The following SH3TC1 variants were observed in gnomAD, a reference collection of about 807,000 sequenced individuals.
SH3TC1 encodes the protein SH3 domain and tetratricopeptide repeats 1.
SH3TC1 carries 135 observed loss-of-function variants against 117.3 expected under a neutral mutation model. That is an observed-to-expected ratio of 1.15 (90% CI 1.00 to 1.33). The LOEUF (loss-of-function observed/expected upper bound fraction) is 1.33. Among genes scored for constraint, SH3TC1 ranks in the 40% most tolerant of loss-of-function variants. The pLI is 0.00. For missense variants in SH3TC1, 2,092 were observed against 1,794.3 expected, an observed-to-expected ratio of 1.17 and a Z score of -3.00; for synonymous variants, 898 against 816.9, an observed-to-expected ratio of 1.10 and a Z score of -1.69.
In SH3TC1 at chr4:8,183,993, G is replaced by T. The variant is rs550432856; in HGVS notation, c.-57+1783G>T. On this transcript the variant is annotated intron_variant, in intron 1 of 16. Coordinates refer to the SH3TC1 transcript ENST00000508641. This position sits in a 1 kb window ranked among gnomAD's most constrained non-coding sequence, Gnocchi z 5.4. ...TCTCGAACTCCTGACCTCATGATCC[G>T]CCCACCTCAGCCTCCCAAAGTGCTG... is the stretch of plus-strand genomic sequence containing the variant. Among the ~76,000 whole-genome samples the T allele has an allele frequency of 6.6e-6, 1 of 151,986 alleles. No individual in the cohort carries two copies. Among genetic ancestry groups the T allele is most frequent in the African/African-American group, 2.4e-5 (1 of 41,360 alleles).
chr4:8,218,882 C>T (rs993773573), intron 8 of SH3TC1, among the ~76,000 whole-genome samples: 5 of 152,078 alleles, frequency 3.3e-5, no homozygotes, highest in Admixed American at 2.0e-4. Flanking sequence ...GGCAAGCTGC[C>T]GGTGTCTGGA....
At position 8,205,423 on chromosome 4, in the gene SH3TC1, C is replaced by A; in HGVS notation, c.172+57C>A. ...CCATCCCACCCACTTCTCCACCCCA[C>A]CCGCCCCGTCCATCCATCCCTCACC... is the stretch of plus-strand genomic sequence containing the variant. On this transcript the variant is annotated intron_variant, in intron 2 of 17. Transcript: ENST00000245105. This position sits in a 1 kb window ranked among gnomAD's most constrained non-coding sequence, Gnocchi z 5.4. The A allele has an allele frequency of 6.6e-7, 1 of 1,526,366 alleles. No homozygotes were observed. The highest frequency in any genetic ancestry group is 8.8e-7 in the Non-Finnish European group (1 of 1,132,418). 94.6% of individuals were successfully genotyped at this position (1,526,366 alleles called of 1,614,324 possible).
In SH3TC1 at chr4:8,209,156, T is replaced by TGTCCTTATCCCCAC. The variant is rs1718442735; in HGVS notation, c.173-590_173-577dup. Among the ~76,000 whole-genome samples the TGTCCTTATCCCCAC allele has an allele frequency of 6.6e-6, 1 of 152,168 alleles. No homozygotes were observed. The highest frequency in any genetic ancestry group is 2.4e-5 in the African/African-American group (1 of 41,432). On this transcript the variant is annotated intron_variant, in intron 2 of 17. Coordinates refer to ENST00000245105, the MANE Select transcript of SH3TC1 (RefSeq NM_018986.5). This position sits in a 1 kb window ranked among gnomAD's most constrained non-coding sequence, Gnocchi z 5.9. ...AGATAAAGTCCTCCAAAGATGCCCA[T>TGTCCTTATCCCCAC]GTCCTTATCCCCACGACCTACGCCT... is the stretch of plus-strand genomic sequence containing the variant.
At chr4:8,189,404 G>A (rs868062263) in intron 1 of SH3TC1, among the ~76,000 whole-genome samples, 1 of 152,272 alleles carries the variant, frequency 6.6e-6, no homozygotes, top group African/African-American at 2.4e-5. Context: ...TGGCCGGGCC[G>A]GCGGCCGGGG....
At chr4:8,218,643 C>T (rs1337007154) in intron 8 of SH3TC1, among the ~76,000 whole-genome samples, 1 of 152,232 alleles carries the variant, frequency 6.6e-6, no homozygotes, top group Non-Finnish European at 1.5e-5. Context: ...CCACTGTCTG[C>T]AAAGAGCTCC....
chr4:8,218,004 G>A (rs1719463968), intron 7 of SH3TC1, among the ~76,000 whole-genome samples: 1 of 152,180 alleles, frequency 6.6e-6, no homozygotes, highest in Admixed American at 6.5e-5. Flanking sequence ...AGGGTTCCAG[G>A]CCCACAGGGG....
chr4:8,216,556 G>T (rs1471038370), intron 6 of SH3TC1, among the ~76,000 whole-genome samples: 1 of 152,222 alleles, frequency 6.6e-6, no homozygotes. Flanking sequence ...CTGGCCTTGT[G>T]GCTGGCCGCC....
At position 8,206,471 on chromosome 4, in the gene SH3TC1, G is replaced by T. The variant is rs181530736; in HGVS notation, c.172+1105G>T. 1.3e-5 allele frequency among the ~76,000 whole-genome samples: 2 copies of T among 152,172 alleles called. No homozygotes were observed. The highest frequency in any genetic ancestry group is 2.4e-5 in the African/African-American group (1 of 41,444). ...GCCCTGGCCAGCCTCCCACAGAGCC[G>T]CGGGGCCCAGGGAGGAGCTGGGAGC... On this transcript the variant is annotated intron_variant, in intron 2 of 17. Transcript: ENST00000245105. The surrounding 1 kb of genome is among the most constrained non-coding windows in gnomAD (Gnocchi z 5.5).
At chr4:8,235,288 G>A (rs1721701153) in intron 14 of SH3TC1, 145 bp from the exon 15 acceptor site, 3 of 961,390 alleles carry the variant, frequency 3.1e-6, no homozygotes, top group Admixed American at 3.9e-5. Context: ...AGCGGTGGGG[G>A]CGGCCCTAAT....
chr4:8,195,532 C>T (rs1038013014), upstream of SH3TC1, among the ~76,000 whole-genome samples: 1 of 152,168 alleles, frequency 6.6e-6, no homozygotes, highest in Non-Finnish European at 1.5e-5. Flanking sequence ...TGGAAAATTC[C>T]CCCGGCCTTG....
Position 8,205,664 on chromosome 4 carries a change from C to G in SH3TC1, c.172+298C>G, listed in dbSNP as rs371685302. On this transcript the variant is annotated intron_variant, in intron 2 of 17. Coordinates refer to ENST00000245105, the MANE Select transcript of SH3TC1 (RefSeq NM_018986.5). This position sits in a 1 kb window ranked among gnomAD's most constrained non-coding sequence, Gnocchi z 5.4. ...CCTTTGAACCCCCATGTTCAGAGAC[C>G]GTTCCAGAAACAGTCCGATGGGTTT... The G allele has an allele frequency of 1.3e-6, 1 of 760,200 alleles. No homozygotes were observed. The highest frequency in any genetic ancestry group is 1.7e-5 in the African/African-American group (1 of 59,024). The allele number at this position is 760,200 out of a possible 1,614,324, so 47.1% of individuals were successfully genotyped here. A position where few individuals can be genotyped will look rare whatever the true frequency, so the allele number is the denominator to read the frequency against.
Position 8,210,716 on chromosome 4 carries a change from C to T in SH3TC1, c.247+894C>T, listed in dbSNP as rs539658777. On this transcript the variant is annotated intron_variant, in intron 3 of 17. Coordinates refer to ENST00000245105, the MANE Select transcript of SH3TC1 (RefSeq NM_018986.5). The surrounding 1 kb of genome is among the most constrained non-coding windows in gnomAD (Gnocchi z 4.1). Reference sequence around the variant, plus strand: ...AGGCAGAGGTAGTGAGCCGAGATTGCGCCATTGCACTCCAGCCTGGGCAAC... The same window carrying T: ...AGGCAGAGGTAGTGAGCCGAGATTGTGCCATTGCACTCCAGCCTGGGCAAC... Among the ~76,000 whole-genome samples the T allele has an allele frequency of 8.4e-6, 1 of 119,542 alleles. No homozygotes were observed. Among genetic ancestry groups the T allele is most frequent in the East Asian group, 2.9e-4 (1 of 3,474 alleles). 78.4% of individuals were successfully genotyped at this position (119,542 alleles called of 152,430 possible). A position where few individuals can be genotyped will look rare whatever the true frequency, so the allele number is the denominator to read the frequency against.
intron 1 of SH3TC1, chr4:8,201,312 G>A (rs778102554): frequency 6.6e-6 from 1 of 152,230 alleles, no homozygotes; most frequent in Non-Finnish European, 1.5e-5. Flanking sequence ...CTCATTTTCT[G>A]GCTCAGTAAA....
rs1252638157 is a variant in SH3TC1 at position 8,210,343 on chromosome 4, C to T, written c.247+521C>T. ...CCCCCGCTGGGGAGGAATGGAGACCCCAGCATCCATTGCTGGCTTTGCCCC... is the reference window on the plus strand; with the variant it reads ...CCCCCGCTGGGGAGGAATGGAGACCTCAGCATCCATTGCTGGCTTTGCCCC... On this transcript the variant is annotated intron_variant, in intron 3 of 17. Transcript: ENST00000245105. This position sits in a 1 kb window ranked among gnomAD's most constrained non-coding sequence, Gnocchi z 4.1. Among the ~76,000 whole-genome samples the T allele has an allele frequency of 6.6e-6, 1 of 152,268 alleles. No individual in the cohort carries two copies. The highest frequency in any genetic ancestry group is 1.5e-5 in the Non-Finnish European group (1 of 68,050).
rs373329294 is a variant in SH3TC1, at chr4:8,230,343, C to A, written c.2951-1633C>A. On this transcript the variant is annotated intron_variant, in intron 12 of 17. Coordinates refer to ENST00000245105, the MANE Select transcript of SH3TC1 (RefSeq NM_018986.5). ...TAGAGATGGGGTCTCGTCATGTTCC[C>A]CCAGGCTGGTCTTGAATGCTGGCCT... Among the ~76,000 whole-genome samples the A allele has an allele frequency of 7.7e-4, 117 of 152,192 alleles. 2 individuals carry two copies. In the South Asian group the frequency reaches 0.022, roughly 29 times the overall value.
At chr4:8,234,853 A>G (rs1261151645) in intron 14 of SH3TC1, among the ~76,000 whole-genome samples, 4 of 152,240 alleles carry the variant, frequency 2.6e-5, no homozygotes, top group African/African-American at 9.6e-5. Flanking sequence ...TCCAAGCGAC[A>G]TGTGGCAAAT....
chr4:8,238,042 T>C (rs1019395901), intron 17 of SH3TC1, among the ~76,000 whole-genome samples: 2 of 152,084 alleles, frequency 1.3e-5, no homozygotes, highest in Non-Finnish European at 2.9e-5. Context: ...AGAAGGACAT[T>C]TGGGGGGATG....
At chr4:8,191,656 G>C (rs563363760) in intron 1 of SH3TC1, among the ~76,000 whole-genome samples, 1 of 152,160 alleles carries the variant, frequency 6.6e-6, no homozygotes, top group Non-Finnish European at 1.5e-5. Flanking sequence ...TTATCATGCC[G>C]GCCCGGATAC....
rs1164161688 is a variant in SH3TC1 at position 8,218,361 on chromosome 4, T to C, written c.916+14T>C. 2 of 1,597,546 alleles carry C rather than the reference T, an allele frequency of 1.3e-6. No individual in the cohort carries two copies. The highest frequency in any genetic ancestry group is 8.6e-7 in the Non-Finnish European group (1 of 1,168,418). On this transcript the variant is annotated intron_variant, in intron 8 of 17. Transcript: ENST00000245105. ...ACCCGCTGATGGGTAAGTGTTTCCA[T>C]GGGCCTCTCTTTTTTGGGGAAATGT...
Sources: gnomAD v4.1 joint callset for allele counts (sites outside exome capture counted in the v4.1 genomes callset) on GRCh38, gnomAD v4.1.1 for gene constraint, Gnocchi (gnomAD v3.1) non-coding constraint, MANE v1.5 for transcripts, NCBI Gene and HGNC (gene_info 2026-07-23, HGNC 2026-07-21) for gene names.